Variants in DNHD1 observed in about 807,000 individuals in gnomAD.
DNHD1 encodes dynein heavy chain domain 1.
In DNHD1, 383 loss-of-function variants were observed where a neutral mutation model predicts 458.1. The observed-to-expected ratio is 0.84, with a 90% CI of 0.77 to 0.91. The LOEUF (loss-of-function observed/expected upper bound fraction) is 0.91, where lower values mean the gene tolerates loss of function less well. Among genes scored for constraint, DNHD1 ranks in the 40% least tolerant of loss-of-function variants. The pLI, the probability that DNHD1 is intolerant of heterozygous loss-of-function variation, is 0.00. For synonymous variants in DNHD1, 2,203 were observed against 2,376.9 expected, an observed-to-expected ratio of 0.93 and a Z score of 2.13; for missense variants, 5,336 against 5,866.1, an observed-to-expected ratio of 0.91 and a Z score of 2.95.
At position 6,517,649 on chromosome 11, in the gene DNHD1, CTTCTT is replaced by C. The variant is rs1370887051; in HGVS notation, c.1393-1948_1393-1944del. On this transcript the variant is annotated intron_variant, in intron 7 of 42. Transcript: ENST00000254579. The stretch of plus-strand genomic sequence containing the variant: ...AAGACAAATACTGTATGATCTAGGA[CTTCTT>C]TTTTTTTTTTTTTTTTTTTTTTTTT... 2.3e-3 allele frequency among the ~76,000 whole-genome samples: 201 copies of C among 85,646 alleles called. 4 individuals are homozygous for C. The highest frequency in any genetic ancestry group is 3.5e-3 in the Non-Finnish European group (155 of 44,342). 56.2% of individuals were successfully genotyped at this position (85,646 alleles called of 152,430 possible).
chr11:6,545,761 C>T lies in DNHD1; in HGVS notation c.4822C>T (p.His1608Tyr), dbSNP rs1358950736. The T allele has an allele frequency of 1.3e-6, 2 of 1,551,676 alleles. No homozygotes were observed. Among genetic ancestry groups the T allele is most frequent in the Non-Finnish European group, 1.7e-6 (2 of 1,146,952 alleles). Residue 1608 changes from histidine (H) to tyrosine (Y), a missense_variant, in exon 21 of 43, where the codon CAC becomes TAC. Physicochemically the swap from His to Tyr is moderately conservative, Grantham distance 83. This residue lies in a region of DNHD1 where 3,932 missense variants were observed against 4,365.6 expected (regional missense o/e 0.90). Coordinates refer to ENST00000254579, the MANE Select transcript of DNHD1 (RefSeq NM_144666.3). The surrounding 1 kb of genome is among the most constrained non-coding windows in gnomAD (Gnocchi z 4.9). ...DFHWVRQLKY[H>Y]LGSPHIIPKS... ...TCACTGGGTCCGCCAACTCAAGTAT[C>T]ACTTGGGTTCACCTCACATAATCCC...
chr11:6,506,075 G>A (rs929314581), intron 4 of DNHD1, among the ~76,000 whole-genome samples: 2 of 127,128 alleles, frequency 1.6e-5, no homozygotes, highest in South Asian at 5.1e-4. Context: ...TGATTACAGG[G>A]CCAGGATCTG....
rs895502344 is a variant in DNHD1, at chr11:6,547,292, G to A, written c.6353G>A (p.Arg2118Gln). The A allele has an allele frequency of 1.2e-5, 19 of 1,551,656 alleles. No individual in the cohort carries two copies. The highest frequency in any genetic ancestry group is 1.7e-4 in the Middle Eastern group (1 of 6,014). The change falls in exon 21 of 43, where the codon CGA becomes CAA. Residue 2118 changes from arginine to glutamine, a missense_variant. Transcript: ENST00000254579. ...LSLPSGQQIA[R>Q]PPGTFLLMEV... is the part of the protein sequence containing the mutation. ...CTCCCCAGTGGACAGCAGATAGCAC[G>A]ACCCCCAGGCACCTTTCTCTTGATG...
intron 4 of DNHD1, among the ~76,000 whole-genome samples, chr11:6,506,735 A>G (rs1589865600): frequency 6.6e-6 from 1 of 151,860 alleles, no homozygotes; most frequent in South Asian, 2.1e-4. Context: ...CTCCCCTGGC[A>G]CCGCCAATCT....
At chr11:6,500,898 A>G (rs1461515778) in intron 3 of DNHD1, among the ~76,000 whole-genome samples, 2 of 152,214 alleles carry the variant, frequency 1.3e-5, no homozygotes, top group Admixed American at 6.5e-5. Context: ...ACAAATTGTA[A>G]TAAGTGCTAT....
At chr11:6,544,059 T>TTC in intron 18 of DNHD1, 62 bp from the exon 19 acceptor site, 1 of 1,534,922 alleles carries the variant, frequency 6.5e-7, no homozygotes, top group Non-Finnish European at 8.8e-7. Context: ...TGGTCTCCTC[T>TTC]TCTCTCCCCC....
chr11:6,528,187 G>C (rs916658336), intron 10 of DNHD1, among the ~76,000 whole-genome samples: 1 of 152,194 alleles, frequency 6.6e-6, no homozygotes, highest in Non-Finnish European at 1.5e-5. Context: ...GCAGAACACA[G>C]CCCTAGATGC....
intron 10 of DNHD1, among the ~76,000 whole-genome samples, chr11:6,525,593 T>C (rs561662196): frequency 6.6e-6 from 1 of 152,376 alleles, no homozygotes; most frequent in Non-Finnish European, 1.5e-5. Flanking sequence ...GTCTTTCTAG[T>C]AATTTTGTTT....
chr11:6,527,151 A>T (rs1339236731), intron 10 of DNHD1, among the ~76,000 whole-genome samples: 1 of 152,192 alleles, frequency 6.6e-6, no homozygotes, highest in Non-Finnish European at 1.5e-5. Context: ...TTTCAAAATG[A>T]TGCTGCCATT....
At position 6,563,704 on chromosome 11, in the gene DNHD1, C is replaced by T. The variant is rs180725891; in HGVS notation, c.9864C>T (p.Phe3288=). 1 of 1,544,928 alleles carries T rather than the reference C, an allele frequency of 6.5e-7. No individual in the cohort carries two copies. The highest frequency in any genetic ancestry group is 1.4e-5 in the African/African-American group (1 of 73,032). ...CTEDFYQELV[F]FPKEKITDSE... Reference sequence around the variant, plus strand: ...ATACATCCTTCCAGGAGCTGGTGTTCTTCCCCAAGGAGAAGATAACAGACT... The same window carrying T: ...ATACATCCTTCCAGGAGCTGGTGTTTTTCCCCAAGGAGAAGATAACAGACT... Residue 3288 remains phenylalanine (F), a synonymous_variant, in exon 31 of 43, where the codon TTC becomes TTT. Transcript: ENST00000254579.
At chr11:6,534,488 T>C (rs1453021597) in intron 14 of DNHD1, among the ~76,000 whole-genome samples, 1 of 152,172 alleles carries the variant, frequency 6.6e-6, no homozygotes, top group Non-Finnish European at 1.5e-5. Flanking sequence ...GTTCTCCTTA[T>C]AGAACGTAGC....
At position 6,570,344 on chromosome 11, in the gene DNHD1, G is replaced by C. The variant is rs966511095; in HGVS notation, c.13053G>C (p.Trp4351Cys). The C allele has an allele frequency of 1.4e-5, 23 of 1,612,350 alleles. No homozygotes were observed. The highest frequency in any genetic ancestry group is 1.9e-5 in the Non-Finnish European group (22 of 1,179,266). Residue 4351 changes from tryptophan (W) to cysteine (C), a missense_variant, in exon 41 of 43, where the codon TGG becomes TGC. Transcript: ENST00000254579. ...GCCTGAGCCCCAGTAGTGGGAGCTG[G>C]GTCCAGCCACACACACCTCAGTCTT... ...QACLSPSSGSWVQPHTPQSLL... is the reference protein window; with the variant it reads ...QACLSPSSGSCVQPHTPQSLL...
At chr11:6,559,443 T>G (rs1336333337) in intron 28 of DNHD1, among the ~76,000 whole-genome samples, 160 bp downstream of exon 28, 1 of 152,204 alleles carries the variant, frequency 6.6e-6, no homozygotes, top group Non-Finnish European at 1.5e-5. Flanking sequence ...CTTTACAGCT[T>G]AGGTTCAAAA....
chr11:6,520,389 G>T lies in DNHD1; in HGVS notation c.1837+100G>T, dbSNP rs1167081716. On this transcript the variant is annotated intron_variant, in intron 10 of 42. Transcript: ENST00000254579. ...GAAGGCAGGAGGTCCAGGCTATAGA[G>T]TCAGGCACTGGGTGTGGATGGAGCA... is the stretch of plus-strand genomic sequence containing the variant. 2.6e-6 allele frequency: 4 copies of T among 1,544,714 alleles called. No individual in the cohort carries two copies. The African/African-American group carries it at 5.5e-5, about 21-fold the overall frequency.
chr11:6,553,049 C>T lies in DNHD1; in HGVS notation c.7388-3634C>T, dbSNP rs181359694. Among the ~76,000 whole-genome samples the T allele has an allele frequency of 9.2e-5, 14 of 152,232 alleles. No homozygotes were observed. The East Asian group carries it at 2.1e-3, about 23-fold the overall frequency. ...GGAGAATACTAAGCCATGATGAAGA[C>T]ATTTCAAGCAAAGAAATAAACTGTT... On this transcript the variant is annotated intron_variant, in intron 24 of 42. Coordinates refer to ENST00000254579, the MANE Select transcript of DNHD1 (RefSeq NM_144666.3).
rs571810993 is a variant in DNHD1 at position 6,544,838 on chromosome 11, G to A, written c.3899G>A (p.Arg1300His). The change falls in exon 21 of 43, where the codon CGC (arginine) becomes CAC (histidine). Residue 1300 changes from arginine to histidine, a missense_variant. Physicochemically the swap from Arg to His is conservative, Grantham distance 29. This residue lies in a region of DNHD1 where 3,932 missense variants were observed against 4,365.6 expected (regional missense o/e 0.90). Transcript: ENST00000254579. ...GATGACCAGTATCGAACCCTGATGC[G>A]CATCTCTGTAGCTGACCCCATGGTT... is the stretch of plus-strand genomic sequence containing the variant. The part of the protein sequence containing the change: ...VMDDQYRTLM[R>H]ISVADPMVLS... 210 of 1,551,588 alleles carry A rather than the reference G, an allele frequency of 1.4e-4. 3 individuals carry two copies. The South Asian group carries it at 1.8e-3, about 13-fold the overall frequency.
At position 6,498,031 on chromosome 11, in the gene DNHD1, C is replaced by G. The variant is rs1852062982; in HGVS notation, c.-185C>G. The G allele has an allele frequency of 6.6e-6, 5 of 761,954 alleles. No homozygotes were observed. In the East Asian group the frequency reaches 1.2e-4, roughly 19 times the overall value. The allele number at this position is 761,954 out of a possible 1,614,324, so 47.2% of individuals were successfully genotyped here. ...CTCCATCTATTTCCCTGTCCCAGGT[C>G]CTTTCTTCCTCCTAACCCCATTGAC... On this transcript the variant is annotated 5_prime_UTR_variant, in exon 3 of 43. Transcript: ENST00000254579.
Position 6,547,848 on chromosome 11 carries a change from T to C in DNHD1, c.6728-15T>C, listed in dbSNP as rs1259786539. 1.5e-5 allele frequency: 24 copies of C among 1,551,430 alleles called. No homozygotes were observed. The highest frequency in any genetic ancestry group is 2.1e-5 in the Non-Finnish European group (24 of 1,146,904). ...TCTACTGGGGCTCCTCTCGTGGCCA[T>C]GGCAACTTTCACAGAGGACCTCAGC... On this transcript the variant is annotated splice_polypyrimidine_tract_variant and intron_variant, in intron 21 of 42. Coordinates refer to ENST00000254579, the MANE Select transcript of DNHD1 (RefSeq NM_144666.3).
intron 10 of DNHD1, among the ~76,000 whole-genome samples, chr11:6,527,996 C>T (rs192789162): frequency 8.5e-5 from 13 of 152,320 alleles, no homozygotes; most frequent in South Asian, 4.1e-4. Context: ...TTCCCAGACT[C>T]GCCTGCAGCT....
Sources: allele counts gnomAD v4.1 joint callset (sites outside exome capture counted in the v4.1 genomes callset), GRCh38; gene constraint gnomAD v4.1.1; regional missense constraint gnomAD v4.1.1; non-coding constraint Gnocchi (gnomAD v3.1); transcripts MANE v1.5; gene names NCBI Gene and HGNC (gene_info 2026-07-23, HGNC 2026-07-21).